The following XKR6 variants were observed in gnomAD, a reference collection of about 807,000 sequenced individuals.
XKR6 encodes XK-related protein 6.
A neutral mutation model predicts 56.7 loss-of-function variants in XKR6; 22 were observed. The ratio of observed to expected loss-of-function variants is 0.39; its 90% CI spans 0.28 to 0.55. The LOEUF (loss-of-function observed/expected upper bound fraction) is 0.55, where lower values mean the gene tolerates loss of function less well. Ranked by LOEUF, XKR6 falls within the 20% of genes least tolerant of loss-of-function variation. The pLI is 0.66. For missense variants in XKR6, 852 were observed against 889.0 expected (o/e 0.96, Z 0.53); for synonymous variants, 524 against 387.8 (o/e 1.35, Z -4.13).
chr8:11,125,309 C>A (rs1586581022), intron 1 of XKR6, among the ~76,000 whole-genome samples: 1 of 152,050 alleles, frequency 6.6e-6, no homozygotes. Flanking sequence ...TCCTTACGTA[C>A]AGAGACCCTA....
intron 1 of XKR6, among the ~76,000 whole-genome samples, chr8:11,028,724 C>G (rs1003244914): frequency 2.0e-5 from 3 of 152,156 alleles, no homozygotes; most frequent in African/African-American, 7.2e-5. Context: ...CAGCTCATGG[C>G]AAGCACTTAA....
chr8:10,984,041 A>C (rs1797796413), intron 1 of XKR6, among the ~76,000 whole-genome samples: 1 of 152,220 alleles, frequency 6.6e-6, no homozygotes. Flanking sequence ...TCTTACTTGG[A>C]ATATTATTGC....
intron 2 of XKR6, among the ~76,000 whole-genome samples, chr8:10,901,237 G>A (rs1007518396): frequency 3.3e-5 from 5 of 151,880 alleles, no homozygotes; most frequent in Non-Finnish European, 7.4e-5. Context: ...TGTATTTTTA[G>A]TAGAGACAGG....
chr8:11,074,709 G>A (rs1206059504), intron 1 of XKR6, among the ~76,000 whole-genome samples: 1 of 152,194 alleles, frequency 6.6e-6, no homozygotes, highest in East Asian at 1.9e-4. Flanking sequence ...GAGAGACGGC[G>A]AAGTGGAATG....
At chr8:11,154,350 G>A (rs1315234455) in intron 1 of XKR6, among the ~76,000 whole-genome samples, 2 of 152,224 alleles carry the variant, frequency 1.3e-5, no homozygotes, top group African/African-American at 4.8e-5. Context: ...GCAACATTCC[G>A]TGCGTACGGT....
intron 1 of XKR6, among the ~76,000 whole-genome samples, chr8:11,078,765 C>T (rs975825637): frequency 2.0e-5 from 3 of 152,126 alleles, no homozygotes; most frequent in Admixed American, 2.0e-4. Flanking sequence ...CCCAGAATGA[C>T]GAGAGAGGAC....
intron 2 of XKR6, among the ~76,000 whole-genome samples, chr8:10,914,733 T>TG (rs1458362649): frequency 7.8e-6 from 1 of 127,972 alleles, no homozygotes; most frequent in East Asian, 1.9e-4. Context: ...TGTGGGAAAG[T>TG]GGGGGAAATC....
chr8:10,985,909 A>G (rs1797852449), intron 1 of XKR6, among the ~76,000 whole-genome samples: 1 of 152,210 alleles, frequency 6.6e-6, no homozygotes, highest in Non-Finnish European at 1.5e-5. Context: ...CCTGGCCAGA[A>G]CCAGTGGATT....
intron 1 of XKR6, among the ~76,000 whole-genome samples, chr8:10,976,766 T>C (rs4999289): frequency 0.033 from 5,025 of 150,338 alleles, 191 homozygotes; most frequent in African/African-American, 0.1. Flanking sequence ...TCTCTCTCTC[T>C]CTCTCTCTCT....
chr8:10,990,811 G>C (rs184806876), intron 1 of XKR6, among the ~76,000 whole-genome samples: 1 of 151,722 alleles, frequency 6.6e-6, no homozygotes, highest in Non-Finnish European at 1.5e-5. Context: ...TCGAACTTCT[G>C]GGCTCAAGCG....
chr8:10,902,491 C>T (rs564310982), intron 2 of XKR6, among the ~76,000 whole-genome samples: 16 of 152,338 alleles, frequency 1.1e-4, no homozygotes, highest in East Asian at 7.7e-4. Flanking sequence ...GCTGCTCCCA[C>T]TCTCCATCCT....
intron 1 of XKR6, among the ~76,000 whole-genome samples, chr8:10,985,211 G>C (rs1014493100): frequency 3.9e-5 from 6 of 152,118 alleles, no homozygotes; most frequent in Non-Finnish European, 7.3e-5. Flanking sequence ...CATGTCACGG[G>C]AGGGACCTGG....
intron 1 of XKR6, among the ~76,000 whole-genome samples, chr8:11,085,273 G>T (rs1797848965): frequency 6.6e-6 from 1 of 152,094 alleles, no homozygotes; most frequent in Non-Finnish European, 1.5e-5. Context: ...CTCTCTAACT[G>T]TGGCAACAGG....
At chr8:10,902,788 C>T (rs533357300) in intron 2 of XKR6, among the ~76,000 whole-genome samples, 1 of 152,218 alleles carries the variant, frequency 6.6e-6, no homozygotes, top group African/African-American at 2.4e-5. Flanking sequence ...GCCTCGTGCC[C>T]CTGATGTGCC....
intron 1 of XKR6, among the ~76,000 whole-genome samples, chr8:11,185,445 C>A (rs1803221836): frequency 6.6e-6 from 1 of 152,136 alleles, no homozygotes; most frequent in African/African-American, 2.4e-5. Flanking sequence ...ATTGCAGTTT[C>A]TAAGAACTCA....
intron 1 of XKR6, chr8:11,138,016 C>CA (rs1800495112): frequency 3.4e-6 from 1 of 297,396 alleles, no homozygotes; most frequent in Non-Finnish European, 6.5e-6. Context: ...CGGAAGACAT[C>CA]AGAGCAGAAG....
intron 1 of XKR6, among the ~76,000 whole-genome samples, chr8:11,092,073 C>A (rs1239384580): frequency 6.6e-6 from 1 of 152,146 alleles, no homozygotes; most frequent in Non-Finnish European, 1.5e-5. Flanking sequence ...GTTAAGCATA[C>A]AAATGTTCAT....
At chr8:11,087,717 C>G (rs773074198) in intron 1 of XKR6, among the ~76,000 whole-genome samples, 1 of 152,190 alleles carries the variant, frequency 6.6e-6, no homozygotes, top group Non-Finnish European at 1.5e-5. Flanking sequence ...TTAGCTAATC[C>G]TAGAGTCACA....
At chr8:11,092,414 T>G (rs879347815) in intron 1 of XKR6, among the ~76,000 whole-genome samples, 1 of 152,224 alleles carries the variant, frequency 6.6e-6, no homozygotes, top group Non-Finnish European at 1.5e-5. Context: ...ACCCATTATA[T>G]GGAGTTTGCA....
Sources: gnomAD v4.1 joint callset for allele counts (sites outside exome capture counted in the v4.1 genomes callset) on GRCh38, gnomAD v4.1.1 for gene constraint, MANE v1.5 for transcripts, NCBI Gene and HGNC (gene_info 2026-07-23, HGNC 2026-07-21) for gene names.